FGF12: variants seen among roughly 807,000 people sequenced by gnomAD.
The protein encoded by FGF12 is fibroblast growth factor 12.
In FGF12, 14 loss-of-function variants were observed where a neutral mutation model predicts 23.6. That is an observed-to-expected ratio of 0.59 (90% CI 0.39 to 0.93). FGF12 has a LOEUF of 0.93. Among genes scored for constraint, FGF12 ranks in the 40% least tolerant of loss-of-function variants. The probability of loss-of-function intolerance (pLI) is 0.00; values close to 1 mark genes in which losing one functional copy is unlikely to be tolerated. For synonymous variants in FGF12, 62 were observed against 77.3 expected (o/e 0.80, Z 1.04); for missense variants, 175 against 217.8 (o/e 0.80, Z 1.24).
At chr3:192,300,090 T>C (rs556418128) in intron 4 of FGF12, among the ~76,000 whole-genome samples, 2 of 152,300 alleles carry the variant, frequency 1.3e-5, no homozygotes, top group East Asian at 1.9e-4. Flanking sequence ...TGGCAAAACA[T>C]AGGGGAGCAC....
intron 2 of FGF12, among the ~76,000 whole-genome samples, chr3:192,498,179 G>A (rs1434037678): frequency 6.6e-6 from 1 of 152,016 alleles, no homozygotes; most frequent in African/African-American, 2.4e-5. Flanking sequence ...TTGCTCCTGT[G>A]GATAATTATT....
intron 2 of FGF12, among the ~76,000 whole-genome samples, chr3:192,574,843 A>G (rs1012743167): frequency 1.3e-5 from 2 of 152,218 alleles, no homozygotes; most frequent in African/African-American, 4.8e-5. Flanking sequence ...CCTGCTTAAC[A>G]GCAATCTCAT....
At chr3:192,676,286 A>G (rs1217970833) in intron 2 of FGF12, among the ~76,000 whole-genome samples, 4 of 152,240 alleles carry the variant, frequency 2.6e-5, no homozygotes, top group Non-Finnish European at 4.4e-5. Flanking sequence ...TAGACAGAAC[A>G]GGAGAACTTC....
chr3:192,569,019 G>A (rs1712472152), intron 2 of FGF12, among the ~76,000 whole-genome samples: 1 of 152,136 alleles, frequency 6.6e-6, no homozygotes, highest in South Asian at 2.1e-4. Context: ...AGCAAAACAG[G>A]AGAAAACAGT....
intron 2 of FGF12, among the ~76,000 whole-genome samples, chr3:192,373,256 A>G (rs1719317814): frequency 6.6e-6 from 1 of 151,786 alleles, no homozygotes; most frequent in Non-Finnish European, 1.5e-5. Context: ...AGTTCTTAGC[A>G]TAGTGCCCAT....
intron 5 of FGF12, among the ~76,000 whole-genome samples, chr3:192,161,205 C>T (rs1410888030): frequency 2.0e-5 from 3 of 151,956 alleles, no homozygotes; most frequent in Non-Finnish European, 4.4e-5. Flanking sequence ...ACAGCAGGAA[C>T]GTTAAGAAAT....
chr3:192,713,496 G>C (rs533958466), intron 2 of FGF12, among the ~76,000 whole-genome samples: 1 of 152,284 alleles, frequency 6.6e-6, no homozygotes, highest in Admixed American at 6.5e-5. Context: ...TGTTATGCAT[G>C]AGAGATTGTT....
intron 2 of FGF12, among the ~76,000 whole-genome samples, chr3:192,705,159 T>C (rs1174314558): frequency 6.6e-6 from 1 of 152,254 alleles, no homozygotes; most frequent in Non-Finnish European, 1.5e-5. Context: ...ATACACCACT[T>C]GGCTAACTGT....
intron 2 of FGF12, among the ~76,000 whole-genome samples, chr3:192,628,411 G>A (rs1327715784): frequency 1.4e-5 from 2 of 145,248 alleles, no homozygotes; most frequent in African/African-American, 5.1e-5. Context: ...TTCCAGAGAG[G>A]CTATACAATT....
Position 192,409,640 on chromosome 3 carries a change from C to T in FGF12, c.14-49102G>A, listed in dbSNP as rs906241725. Among the ~76,000 whole-genome samples the T allele has an allele frequency of 2.6e-5, 4 of 152,176 alleles. No homozygotes were observed. The highest frequency in any genetic ancestry group is 2.6e-4 in the Admixed American group (4 of 15,282). ...TACCCGCGCGTCCGCTCGGGTGGGG[C>T]GGGGGCTGGCTGCAGGCGATGTTGG... is the stretch of plus-strand genomic sequence containing the variant. On this transcript the variant is annotated intron_variant, in intron 2 of 5. Coordinates refer to ENST00000445105, the MANE Select transcript of FGF12 (RefSeq NM_004113.6). This position sits in a 1 kb window ranked among gnomAD's most constrained non-coding sequence, Gnocchi z 4.8.
rs780641258 is a variant in FGF12, at chr3:192,408,268, C to T, written c.14-47730G>A. On this transcript the variant is annotated intron_variant, in intron 2 of 5. Transcript: ENST00000445105. This position sits in a 1 kb window ranked among gnomAD's most constrained non-coding sequence, Gnocchi z 7.3. The stretch of plus-strand genomic sequence containing the variant: ...CAGGCCCCAGCCTCTACTGCGCCCT[C>T]CGGCTTGCGCTCCGCCGGGGCGAGG... 4 of 1,519,844 alleles carry T rather than the reference C, an allele frequency of 2.6e-6. No homozygotes were observed. The highest frequency in any genetic ancestry group is 2.8e-5 in the African/African-American group (2 of 72,422). 94.1% of individuals were successfully genotyped at this position (1,519,844 alleles called of 1,614,324 possible). A position where few individuals can be genotyped will look rare whatever the true frequency, so the allele number is the denominator to read the frequency against.
intron 4 of FGF12, among the ~76,000 whole-genome samples, chr3:192,315,591 G>A (rs1716185114): frequency 6.6e-6 from 1 of 151,994 alleles, no homozygotes; most frequent in Non-Finnish European, 1.5e-5. Context: ...GTCATCCTAG[G>A]GGGAAAAAAT....
intron 4 of FGF12, among the ~76,000 whole-genome samples, chr3:192,202,609 A>G (rs1003917740): frequency 3.3e-5 from 5 of 152,182 alleles, no homozygotes. Context: ...GAAAATATTT[A>G]ATTTTGTCTC....
At chr3:192,490,454 CAT>C (rs747806613) in intron 2 of FGF12, among the ~76,000 whole-genome samples, 2 of 151,750 alleles carry the variant, frequency 1.3e-5, no homozygotes, top group Non-Finnish European at 2.9e-5. Context: ...TGTATACAAA[CAT>C]ATATAAACAT....
chr3:192,239,122 T>A (rs188655729), intron 4 of FGF12, among the ~76,000 whole-genome samples: 3 of 152,184 alleles, frequency 2.0e-5, no homozygotes, highest in Non-Finnish European at 2.9e-5. Context: ...TGTAGAAGTG[T>A]ACATGGCCCA....
intron 2 of FGF12, among the ~76,000 whole-genome samples, chr3:192,490,923 G>T (rs1305490384): frequency 6.6e-6 from 1 of 152,082 alleles, no homozygotes. Flanking sequence ...CCAGGATGCT[G>T]GGAATGTTCT....
chr3:192,687,127 C>A (rs1717775750), intron 2 of FGF12, among the ~76,000 whole-genome samples: 1 of 149,994 alleles, frequency 6.7e-6, no homozygotes, highest in Non-Finnish European at 1.5e-5. Context: ...CCGTGCCCAG[C>A]CCTCTGATTT....
rs1476510752 is a variant in FGF12 at position 192,305,947 on chromosome 3, A to G, written c.228+29414T>C. Among the ~76,000 whole-genome samples the G allele has an allele frequency of 6.4e-5, 8 of 124,796 alleles. 2 individuals are homozygous for G. 81.9% of individuals were successfully genotyped at this position (124,796 alleles called of 152,430 possible). A position where few individuals can be genotyped will look rare whatever the true frequency, so the allele number is the denominator to read the frequency against. On this transcript the variant is annotated intron_variant, in intron 4 of 5. Coordinates refer to ENST00000445105, the MANE Select transcript of FGF12 (RefSeq NM_004113.6). Reference sequence around the variant, plus strand: ...ATGATCTCAGCTCACTGCAAGCTCCACCTCCCAGGTTCACGCCATTCTCCT... The same window carrying G: ...ATGATCTCAGCTCACTGCAAGCTCCGCCTCCCAGGTTCACGCCATTCTCCT...
chr3:192,156,527 T>G (rs1295876524), intron 5 of FGF12, among the ~76,000 whole-genome samples: 1 of 152,194 alleles, frequency 6.6e-6, no homozygotes, highest in African/African-American at 2.4e-5. Context: ...ATGTTCAGTG[T>G]CCTAAAGATG....
Sources: gnomAD v4.1 joint callset for allele counts (sites outside exome capture counted in the v4.1 genomes callset) on GRCh38, gnomAD v4.1.1 for gene constraint, Gnocchi (gnomAD v3.1) non-coding constraint, MANE v1.5 for transcripts, NCBI Gene and HGNC (gene_info 2026-07-23, HGNC 2026-07-21) for gene names.